Variants in TMCO4 observed in about 807,000 individuals in gnomAD.
The protein encoded by TMCO4 is transmembrane and coiled-coil domains 4.
Under a neutral mutation model 64.7 loss-of-function variants are expected in TMCO4, and 58 were observed. The observed-to-expected ratio is 0.90, with a 90% CI of 0.73 to 1.12. The LOEUF (loss-of-function observed/expected upper bound fraction) is 1.12. Among genes scored for constraint, TMCO4 ranks in the 50% most tolerant of loss-of-function variants. TMCO4 has a pLI of 0.00. For missense variants in TMCO4, 780 were observed against 825.9 expected, an observed-to-expected ratio of 0.94 and a Z score of 0.68; for synonymous variants, 325 against 346.1, an observed-to-expected ratio of 0.94 and a Z score of 0.68.
intron 12 of TMCO4, 69 bp from the exon 13 acceptor site, chr1:19,737,525 G>A (rs886231644): frequency 1.4e-6 from 2 of 1,456,814 alleles, no homozygotes; most frequent in African/African-American, 1.4e-5. Flanking sequence ...CAGGCCTGAG[G>A]AGGGCAGCCT....
chr1:19,683,320 T>A lies in TMCO4; in HGVS notation c.1625A>T (p.Glu542Val), dbSNP rs746838426. 447 of 1,613,824 alleles carry A rather than the reference T, an allele frequency of 2.8e-4. No individual in the cohort carries two copies. The highest frequency in any genetic ancestry group is 3.7e-4 in the Non-Finnish European group (440 of 1,179,922). ...GGCGGCAGCTGCTGCCTGGCGAGGC[T>A]CCTCGGAGGGCAGGCAGCCTGGGGC... ...LLAPGCLPSE[E>V]PRQAAAAASS... Residue 542 changes from glutamate (E) to valine (V), a missense_variant, in exon 16 of 16, where the codon GAG (glutamate) becomes GTG (valine). Glu to Val is a moderately radical substitution (Grantham distance 121, BLOSUM62 -2). Transcript: ENST00000294543.
intron 14 of TMCO4, among the ~76,000 whole-genome samples, chr1:19,697,957 C>T (rs1005700042): frequency 6.6e-6 from 1 of 152,046 alleles, no homozygotes; most frequent in African/African-American, 2.4e-5. Context: ...GTGCCTGGTA[C>T]TTCTTCCTTT....
chr1:19,754,303 G>A (rs1467179313), intron 7 of TMCO4, among the ~76,000 whole-genome samples: 1 of 152,020 alleles, frequency 6.6e-6, no homozygotes, highest in African/African-American at 2.4e-5. Flanking sequence ...ATAAATTCCC[G>A]ACATATCCAA....
chr1:19,696,036 G>C (rs2095234375), intron 14 of TMCO4, among the ~76,000 whole-genome samples: 1 of 151,994 alleles, frequency 6.6e-6, no homozygotes, highest in Admixed American at 6.6e-5. Context: ...GAATGCGACG[G>C]CCTCTGCACC....
intron 1 of TMCO4, chr1:19,799,354 G>C (rs1332550265): frequency 3.3e-5 from 5 of 151,620 alleles, no homozygotes; most frequent in African/African-American, 7.4e-5. Context: ...GAGAGTCTGC[G>C]GGGGGACAGG....
chr1:19,683,342 G>A lies in TMCO4; in HGVS notation c.1603C>T (p.Pro535Ser). ...GGCTCCTCGGAGGGCAGGCAGCCTG[G>A]GGCCAGCAAGAGCCCCTTCTCGTCC... ...GWDEKGLLLA[P>S]GCLPSEEPRQ... is the part of the protein sequence containing the mutation. The change falls in exon 16 of 16, where the codon CCA becomes TCA. Residue 535 changes from proline to serine, a missense_variant. Coordinates refer to ENST00000294543, the MANE Select transcript of TMCO4 (RefSeq NM_181719.7). 6.2e-7 allele frequency: 1 copy of A among 1,613,994 alleles called. No homozygotes were observed. Among genetic ancestry groups the A allele is most frequent in the Non-Finnish European group, 8.5e-7 (1 of 1,179,962 alleles).
At chr1:19,744,392 C>T (rs2041670605) in intron 10 of TMCO4, among the ~76,000 whole-genome samples, 1 of 152,156 alleles carries the variant, frequency 6.6e-6, no homozygotes, top group African/African-American at 2.4e-5. Flanking sequence ...CTCACTTAAT[C>T]TTTGCAGCAT....
chr1:19,708,348 G>T (rs918126983), intron 13 of TMCO4, among the ~76,000 whole-genome samples: 7 of 150,476 alleles, frequency 4.7e-5, no homozygotes, highest in Non-Finnish European at 8.8e-5. Flanking sequence ...TTACCACTTG[G>T]TACCCCTAAA....
chr1:19,737,734 A>G (rs2095462034), intron 12 of TMCO4, among the ~76,000 whole-genome samples: 2 of 152,264 alleles, frequency 1.3e-5, no homozygotes. Context: ...ATCATTATCC[A>G]GCCACCGTCT....
At chr1:19,792,265 G>A (rs905226654) in intron 2 of TMCO4, among the ~76,000 whole-genome samples, 2 of 152,204 alleles carry the variant, frequency 1.3e-5, no homozygotes, top group Non-Finnish European at 2.9e-5. Context: ...GATATAGAGT[G>A]AGAATAACAG....
At position 19,734,491 on chromosome 1, in the gene TMCO4, A is replaced by G. The variant is rs2095444386; in HGVS notation, c.1264+2881T>C. 6.6e-6 allele frequency among the ~76,000 whole-genome samples: 1 copy of G among 152,094 alleles called. No homozygotes were observed. The highest frequency in any genetic ancestry group is 1.5e-5 in the Non-Finnish European group (1 of 67,996). On this transcript the variant is annotated intron_variant, in intron 13 of 15. Coordinates refer to ENST00000294543, the MANE Select transcript of TMCO4 (RefSeq NM_181719.7). This position sits in a 1 kb window ranked among gnomAD's most constrained non-coding sequence, Gnocchi z 4.4. ...CCACTCAGTTACTCATTCACTCCAC[A>G]GTTTAAAGACCTCAATCTTTCCCCA...
chr1:19,740,060 C>T, intron 11 of TMCO4, 100 bp from the exon 12 acceptor site: 2 of 1,377,704 alleles, frequency 1.5e-6, no homozygotes, highest in South Asian at 2.9e-5. Flanking sequence ...CATGCAGTCT[C>T]CAACTTGGAC....
rs190782505 is a variant in TMCO4, at chr1:19,697,464, C to T, written c.1383-2913G>A. 9.2e-5 allele frequency among the ~76,000 whole-genome samples: 12 copies of T among 131,064 alleles called. No homozygotes were observed. In the East Asian group the frequency reaches 1.9e-3, roughly 21 times the overall value. 86.0% of individuals were successfully genotyped at this position (131,064 alleles called of 152,430 possible). ...TGCTTTTGTTTTTGAGACATAGTCT[C>T]GCTCTGTTGCCCAGGCTGGAATGCA... On this transcript the variant is annotated intron_variant, in intron 14 of 15. Transcript: ENST00000294543.
In TMCO4 at chr1:19,732,778, A is replaced by C. The variant is rs1436078868; in HGVS notation, c.1264+4594T>G. Among the ~76,000 whole-genome samples, 1 of 152,052 alleles carries C rather than the reference A, an allele frequency of 6.6e-6. No individual in the cohort carries two copies. The highest frequency in any genetic ancestry group is 1.5e-5 in the Non-Finnish European group (1 of 67,998). Reference sequence around the variant, plus strand: ...TTCTGGGCCCAAGTTCTTTTTTCTGAAGGTGACTACAGGGGGAAAATGCCA... The same window carrying C: ...TTCTGGGCCCAAGTTCTTTTTTCTGCAGGTGACTACAGGGGGAAAATGCCA... On this transcript the variant is annotated intron_variant, in intron 13 of 15. Transcript: ENST00000294543. The surrounding 1 kb of genome is among the most constrained non-coding windows in gnomAD (Gnocchi z 4.8).
At chr1:19,763,048 C>A (rs2042572272) in intron 6 of TMCO4, among the ~76,000 whole-genome samples, 1 of 151,980 alleles carries the variant, frequency 6.6e-6, no homozygotes, top group Non-Finnish European at 1.5e-5. Flanking sequence ...TCTTCATCTG[C>A]AAAAGGGGAA....
intron 2 of TMCO4, among the ~76,000 whole-genome samples, chr1:19,787,347 G>A (rs577816842): frequency 6.6e-5 from 10 of 152,334 alleles, no homozygotes; most frequent in African/African-American, 1.2e-4. Context: ...TGCTGGGCAC[G>A]GCCCTGCCAC....
rs116578755 is a variant in TMCO4, at chr1:19,724,443, A to G, written c.1264+12929T>C. Among the ~76,000 whole-genome samples the G allele has an allele frequency of 1.6e-3, 244 of 152,332 alleles. 2 individuals are homozygous for G. Among genetic ancestry groups the G allele is most frequent in the African/African-American group, 5.5e-3 (227 of 41,570 alleles). On this transcript the variant is annotated intron_variant, in intron 13 of 15. Coordinates refer to ENST00000294543, the MANE Select transcript of TMCO4 (RefSeq NM_181719.7). ...TGCCGATGACAGAGGGCAGAATGAAATGGACACAGTCCCTGCCATCAATCT... is the reference window on the plus strand; with the variant it reads ...TGCCGATGACAGAGGGCAGAATGAAGTGGACACAGTCCCTGCCATCAATCT...
chr1:19,718,041 G>A (rs56926407), intron 13 of TMCO4, among the ~76,000 whole-genome samples: 17,748 of 152,120 alleles, frequency 0.12, 1,224 homozygotes, highest in African/African-American at 0.19. Flanking sequence ...ATTTTCAAAA[G>A]TGGAAAATGG....
chr1:19,795,731 C>T (rs1021760888), intron 2 of TMCO4, among the ~76,000 whole-genome samples: 2 of 152,136 alleles, frequency 1.3e-5, no homozygotes, highest in South Asian at 2.1e-4. Context: ...TCTTAGGCCA[C>T]GGGCAGCCAT....
Sources: gnomAD v4.1 joint callset for allele counts (sites outside exome capture counted in the v4.1 genomes callset) on GRCh38, gnomAD v4.1.1 for gene constraint, Gnocchi (gnomAD v3.1) non-coding constraint, MANE v1.5 for transcripts, NCBI Gene and HGNC (gene_info 2026-07-23, HGNC 2026-07-21) for gene names.